The following AUTS2 variants were observed in gnomAD, a reference collection of about 807,000 sequenced individuals.
AUTS2 encodes autism susceptibility gene 2 protein.
AUTS2 carries 17 observed loss-of-function variants against 112.4 expected under a neutral mutation model. That is an observed-to-expected ratio of 0.15 (90% CI 0.10 to 0.23). AUTS2 has a LOEUF of 0.23. Ranked by LOEUF, AUTS2 falls within the 10% of genes least tolerant of loss-of-function variation. The pLI, the probability that AUTS2 is intolerant of heterozygous loss-of-function variation, is 1.00. For synonymous variants in AUTS2, 751 were observed against 702.7 expected, an observed-to-expected ratio of 1.07 and a Z score of -1.09; for missense variants, 1,510 against 1,701.6, an observed-to-expected ratio of 0.89 and a Z score of 1.98.
chr7:69,834,054 G>A (rs1419144595), intron 1 of AUTS2, among the ~76,000 whole-genome samples: 7 of 152,110 alleles, frequency 4.6e-5, no homozygotes, highest in East Asian at 1.9e-4. Flanking sequence ...GCCTTGGAGA[G>A]GGAGGGGAGC....
chr7:70,695,009 T>C (rs887592739), intron 5 of AUTS2: 2 of 152,212 alleles, frequency 1.3e-5, no homozygotes, highest in African/African-American at 2.4e-5. Flanking sequence ...AACCATGAAC[T>C]TGGGGCTGAC....
At chr7:70,552,893 C>T (rs1031750606) in intron 5 of AUTS2, among the ~76,000 whole-genome samples, 3 of 152,208 alleles carry the variant, frequency 2.0e-5, no homozygotes, top group Non-Finnish European at 4.4e-5. Flanking sequence ...AAACACTTTC[C>T]TCACAGCCCT....
chr7:69,996,462 A>G (rs1042873047), intron 2 of AUTS2, among the ~76,000 whole-genome samples: 1 of 152,178 alleles, frequency 6.6e-6, no homozygotes, highest in African/African-American at 2.4e-5. Context: ...GGGTGTAGAA[A>G]GCCTGGACTA....
At chr7:70,550,045 A>G (rs1038498520) in intron 5 of AUTS2, among the ~76,000 whole-genome samples, 11 of 152,220 alleles carry the variant, frequency 7.2e-5, no homozygotes, top group Admixed American at 5.9e-4. Context: ...AGGATGCCAA[A>G]AAGTGAAAGG....
At chr7:70,297,864 A>T (rs1404110264) in intron 4 of AUTS2, among the ~76,000 whole-genome samples, 2 of 152,176 alleles carry the variant, frequency 1.3e-5, no homozygotes, top group Non-Finnish European at 2.9e-5. Flanking sequence ...TTTTCAAGCC[A>T]AATCTTGTCT....
intron 5 of AUTS2, among the ~76,000 whole-genome samples, chr7:70,693,614 T>C (rs1213030458): frequency 6.6e-6 from 1 of 152,250 alleles, no homozygotes; most frequent in Non-Finnish European, 1.5e-5. Flanking sequence ...AATGCAATGA[T>C]TATTTTGTAT....
chr7:70,301,158 G>A (rs530926808), intron 4 of AUTS2, among the ~76,000 whole-genome samples: 1 of 152,092 alleles, frequency 6.6e-6, no homozygotes, highest in South Asian at 2.1e-4. Context: ...TTTTATTTGC[G>A]TGCATAGTGA....
intron 5 of AUTS2, among the ~76,000 whole-genome samples, chr7:70,554,734 G>C (rs568500659): frequency 1.1e-3 from 175 of 152,292 alleles, no homozygotes; most frequent in Middle Eastern, 6.8e-3. Flanking sequence ...GGCCAGGGGG[G>C]CAGTCAGGGG....
At chr7:69,944,357 C>T (rs565773059) in intron 2 of AUTS2, among the ~76,000 whole-genome samples, 17 of 152,248 alleles carry the variant, frequency 1.1e-4, no homozygotes, top group African/African-American at 3.6e-4. Flanking sequence ...AAGGGGGCAG[C>T]GTTTTTAGAT....
intron 5 of AUTS2, among the ~76,000 whole-genome samples, chr7:70,675,064 G>A (rs1461940497): frequency 6.6e-6 from 1 of 151,414 alleles, no homozygotes; most frequent in East Asian, 1.9e-4. Context: ...CTCAGGTGTG[G>A]CCTGTGCTCC....
At chr7:69,655,997 A>G (rs146485268) in intron 1 of AUTS2, among the ~76,000 whole-genome samples, 2 of 152,366 alleles carry the variant, frequency 1.3e-5, no homozygotes, top group Non-Finnish European at 2.9e-5. Context: ...CTGATGTCAT[A>G]TGCTCATCGT....
At chr7:69,731,517 G>A (rs1430104171) in intron 1 of AUTS2, among the ~76,000 whole-genome samples, 1 of 152,190 alleles carries the variant, frequency 6.6e-6, no homozygotes, top group Non-Finnish European at 1.5e-5. Context: ...TGCTAAGTAA[G>A]TAGTAGCTGT....
intron 2 of AUTS2, among the ~76,000 whole-genome samples, chr7:69,973,552 A>G (rs1797940393): frequency 6.6e-6 from 1 of 152,106 alleles, no homozygotes; most frequent in Non-Finnish European, 1.5e-5. Flanking sequence ...TGTTTAGTAC[A>G]ATGTTAGCTG....
At chr7:69,855,925 G>T (rs1432679352) in intron 1 of AUTS2, among the ~76,000 whole-genome samples, 4 of 152,088 alleles carry the variant, frequency 2.6e-5, no homozygotes, top group African/African-American at 9.7e-5. Flanking sequence ...CCTTAGGTTG[G>T]CTAATTTTAC....
intron 5 of AUTS2, among the ~76,000 whole-genome samples, chr7:70,559,523 T>C (rs894073401): frequency 1.3e-5 from 2 of 151,992 alleles, no homozygotes; most frequent in Admixed American, 6.6e-5. Flanking sequence ...TTAGTAGATA[T>C]GGGGTTTCAC....
chr7:70,468,619 A>T (rs1312494013), intron 5 of AUTS2, among the ~76,000 whole-genome samples: 1 of 152,144 alleles, frequency 6.6e-6, no homozygotes, highest in Non-Finnish European at 1.5e-5. Flanking sequence ...GGGCAAATAC[A>T]TTGCGAAATT....
At chr7:70,302,514 A>G (rs1033706811) in intron 4 of AUTS2, among the ~76,000 whole-genome samples, 4 of 152,060 alleles carry the variant, frequency 2.6e-5, no homozygotes, top group African/African-American at 9.7e-5. Flanking sequence ...GGATATACCA[A>G]TTACTGCTTG....
chr7:70,396,747 TATACC>T (rs1432392386), intron 4 of AUTS2, among the ~76,000 whole-genome samples: 1 of 152,196 alleles, frequency 6.6e-6, no homozygotes, highest in Non-Finnish European at 1.5e-5. Flanking sequence ...AGTGTATGGA[TATACC>T]ATAATTATTT....
At chr7:70,237,575 A>G (rs1256095735) in intron 4 of AUTS2, among the ~76,000 whole-genome samples, 1 of 152,216 alleles carries the variant, frequency 6.6e-6, no homozygotes, top group Admixed American at 6.5e-5. Flanking sequence ...AAAATACCAA[A>G]TCTCAGGCTT....
Sources: gnomAD v4.1 joint callset for allele counts (sites outside exome capture counted in the v4.1 genomes callset) on GRCh38, gnomAD v4.1.1 for gene constraint, MANE v1.5 for transcripts, NCBI Gene and HGNC (gene_info 2026-07-23, HGNC 2026-07-21) for gene names.